Variants in LARP4 observed in about 807,000 individuals in gnomAD.
LARP4 encodes the protein La ribonucleoprotein 4.
Under a neutral mutation model 92.9 loss-of-function variants are expected in LARP4, and 29 were observed. The observed-to-expected ratio is 0.31, with a 90% CI of 0.23 to 0.43. The LOEUF is 0.43. Among genes scored for constraint, LARP4 ranks in the 20% least tolerant of loss-of-function variants. The probability of loss-of-function intolerance (pLI) is 1.00; values close to 1 mark genes in which losing one functional copy is unlikely to be tolerated. For synonymous variants in LARP4, 279 were observed against 284.1 expected (o/e 0.98, Z 0.18); for missense variants, 732 against 860.0 (o/e 0.85, Z 1.86).
intron 1 of LARP4, among the ~76,000 whole-genome samples, chr12:50,419,134 G>A (rs1227221037): frequency 6.6e-6 from 1 of 152,064 alleles, no homozygotes; most frequent in Non-Finnish European, 1.5e-5. Flanking sequence ...GCTGATGCAT[G>A]AGGATCACTG....
intron 1 of LARP4, among the ~76,000 whole-genome samples, chr12:50,407,565 C>G (rs1430144535): frequency 6.6e-6 from 1 of 152,056 alleles, no homozygotes; most frequent in African/African-American, 2.4e-5. Flanking sequence ...AGGAGTACAG[C>G]TGGGCGGGGT....
Position 50,425,976 on chromosome 12 carries a change from A to G in LARP4, c.19-1786A>G, listed in dbSNP as rs547524083. Reference sequence around the variant, plus strand: ...CTTTCTTCCGTTTAATTCCATAGTTACCCACCCTAGTTTGCCCTTCTCTAG... The same window carrying G: ...CTTTCTTCCGTTTAATTCCATAGTTGCCCACCCTAGTTTGCCCTTCTCTAG... On this transcript the variant is annotated intron_variant, in intron 1 of 15. Coordinates refer to ENST00000398473, the MANE Select transcript of LARP4 (RefSeq NM_052879.5). 3.1e-3 allele frequency among the ~76,000 whole-genome samples: 470 copies of G among 151,902 alleles called. 1 individual carries two copies. Among genetic ancestry groups the G allele is most frequent in the Non-Finnish European group, 4.9e-3 (330 of 67,940 alleles).
At chr12:50,426,691 GT>G (rs1948783413) in intron 1 of LARP4, among the ~76,000 whole-genome samples, 1 of 100,334 alleles carries the variant, frequency 1.0e-5, no homozygotes, top group Non-Finnish European at 1.8e-5. Context: ...TGGGGTGTGT[GT>G]GTGTGTGTGT....
At position 50,461,492 on chromosome 12, in the gene LARP4, A is replaced by G. The variant is rs540448587; in HGVS notation, c.1334+145A>G. The G allele has an allele frequency of 7.5e-5, 66 of 883,350 alleles. 1 individual carries two copies. In the South Asian group the frequency reaches 1.1e-3, roughly 14 times the overall value. 54.7% of individuals were successfully genotyped at this position (883,350 alleles called of 1,614,324 possible). On this transcript the variant is annotated intron_variant, in intron 11 of 15. Transcript: ENST00000398473. ...ATAAATACGTTATTTTCAGAACATGAGTTGGTTGCTTTTTATAATTATTAA... is the reference window on the plus strand; with the variant it reads ...ATAAATACGTTATTTTCAGAACATGGGTTGGTTGCTTTTTATAATTATTAA...
At chr12:50,443,115 C>A (rs1440022319) in intron 8 of LARP4, among the ~76,000 whole-genome samples, 5 of 152,130 alleles carry the variant, frequency 3.3e-5, no homozygotes, top group African/African-American at 9.7e-5. Context: ...GAATCTAGTT[C>A]TATTTTTCCC....
intron 13 of LARP4, among the ~76,000 whole-genome samples, chr12:50,472,521 C>T (rs908253628): frequency 1.3e-5 from 2 of 151,642 alleles, no homozygotes; most frequent in Middle Eastern, 3.4e-3. Context: ...ATGTAGCCTA[C>T]AAACTTTTTT....
intron 8 of LARP4, among the ~76,000 whole-genome samples, chr12:50,447,450 A>C (rs1176949366): frequency 6.6e-6 from 1 of 152,236 alleles, no homozygotes; most frequent in African/African-American, 2.4e-5. Context: ...TTATAAATTT[A>C]CCAAGTGTTA....
At chr12:50,414,071 A>G (rs1230644796) in intron 1 of LARP4, among the ~76,000 whole-genome samples, 1 of 152,036 alleles carries the variant, frequency 6.6e-6, no homozygotes, top group Non-Finnish European at 1.5e-5. Flanking sequence ...AACATTGCCA[A>G]CTCTTCAGAA....
intron 13 of LARP4, 70 bp from the exon 14 acceptor site, chr12:50,473,345 C>A: frequency 1.7e-6 from 2 of 1,151,674 alleles, no homozygotes; most frequent in Non-Finnish European, 2.6e-6. Flanking sequence ...TTCTCTTGTG[C>A]TTATTAGACG....
chr12:50,461,452 A>G (rs1241171844), intron 11 of LARP4, 105 bp downstream of exon 11: 1 of 1,081,874 alleles, frequency 9.2e-7, no homozygotes, highest in East Asian at 2.6e-5. Flanking sequence ...AATTATTGGT[A>G]TATGGTTATA....
At chr12:50,475,420 T>C in intron 15 of LARP4, 106 bp from the exon 16 acceptor site, 1 of 920,872 alleles carries the variant, frequency 1.1e-6, no homozygotes, top group Admixed American at 2.3e-5. Context: ...GTTGCCCTTT[T>C]CTGGAAGATA....
At chr12:50,421,562 T>G (rs1947797634) in intron 1 of LARP4, among the ~76,000 whole-genome samples, 1 of 151,894 alleles carries the variant, frequency 6.6e-6, no homozygotes, top group South Asian at 2.1e-4. Flanking sequence ...GGAGAATCGC[T>G]TGAACCCTGG....
chr12:50,437,081 C>T (rs1950555158), intron 5 of LARP4, among the ~76,000 whole-genome samples: 1 of 152,186 alleles, frequency 6.6e-6, no homozygotes. Context: ...TGCCATCACA[C>T]TTAACTGCTT....
At position 50,446,409 on chromosome 12, in the gene LARP4, CTATA is replaced by C. The variant is rs1158579462; in HGVS notation, c.804+4784_804+4787del. On this transcript the variant is annotated intron_variant, in intron 8 of 15. Coordinates refer to ENST00000398473, the MANE Select transcript of LARP4 (RefSeq NM_052879.5). ...TCTCTCTCTCTCTCTCTCTCTCTCT[CTATA>C]TATATATATATATATATTTTTTTTT... 2.5e-3 allele frequency among the ~76,000 whole-genome samples: 9 copies of C among 3,620 alleles called. 1 individual carries two copies. The highest frequency in any genetic ancestry group is 2.7e-3 in the Non-Finnish European group (8 of 2,914). 2.4% of individuals were successfully genotyped at this position (3,620 alleles called of 152,430 possible). A position where few individuals can be genotyped will look rare whatever the true frequency, so the allele number is the denominator to read the frequency against.
chr12:50,402,812 A>G, intron 1 of LARP4: 1 of 455,160 alleles, frequency 2.2e-6, no homozygotes, highest in Admixed American at 2.4e-5. Context: ...CCGACTCCCC[A>G]GGTTAGACAA....
chr12:50,431,135 G>A (rs951206769), intron 4 of LARP4, among the ~76,000 whole-genome samples: 12 of 152,076 alleles, frequency 7.9e-5, no homozygotes, highest in African/African-American at 2.9e-4. Context: ...GGGCATGGTG[G>A]TGCGTGCCTG....
chr12:50,462,990 AG>A (rs1435779797), intron 12 of LARP4, among the ~76,000 whole-genome samples: 3 of 152,082 alleles, frequency 2.0e-5, no homozygotes, highest in African/African-American at 7.2e-5. Flanking sequence ...CTGGAATTAC[AG>A]GCCTGAGCCA....
At chr12:50,468,460 AT>A (rs796478308) in intron 13 of LARP4, among the ~76,000 whole-genome samples, 9 of 147,284 alleles carry the variant, frequency 6.1e-5, no homozygotes, top group South Asian at 2.2e-4. Context: ...CGCCCGGCTA[AT>A]TTTTTTTTTG....
At chr12:50,425,153 G>C (rs112804368) in intron 1 of LARP4, among the ~76,000 whole-genome samples, 19 of 150,770 alleles carry the variant, frequency 1.3e-4, no homozygotes, top group African/African-American at 4.6e-4. Flanking sequence ...TCTCAAAAAG[G>C]AAGAAAAAAA....
Sources: allele counts gnomAD v4.1 joint callset (sites outside exome capture counted in the v4.1 genomes callset), GRCh38; gene constraint gnomAD v4.1.1; transcripts MANE v1.5; gene names NCBI Gene and HGNC (gene_info 2026-07-23, HGNC 2026-07-21).